The following PROCR variants were observed in gnomAD, a reference collection of about 807,000 sequenced individuals.
PROCR encodes endothelial protein C receptor.
In PROCR, 22 loss-of-function variants were observed where a neutral mutation model predicts 24.2. That is an observed-to-expected ratio of 0.91 (90% CI 0.65 to 1.30). PROCR has a LOEUF of 1.30. PROCR is among the 50% of genes most tolerant of loss of function. The pLI is 0.00. For missense variants in PROCR, 288 were observed against 307.7 expected (o/e 0.94, Z 0.48); for synonymous variants, 137 against 139.2 (o/e 0.98, Z 0.11).
In PROCR at chr20:35,214,823, G is replaced by A. The variant is rs185175683; in HGVS notation, c.95-1070G>A. Among the ~76,000 whole-genome samples, 40 of 152,064 alleles carry A rather than the reference G, an allele frequency of 2.6e-4. 1 individual carries two copies. The East Asian group carries it at 6.6e-3, about 25-fold the overall frequency. ...TGGGGCTGGACATTGAGACTGAGTC[G>A]GGGGATTGGACTGGGACCTTCTCTA... On this transcript the variant is annotated intron_variant, in intron 1 of 1. Transcript: ENST00000634509.
chr20:35,210,571 CAT>C (rs1400644726), intron 1 of PROCR, among the ~76,000 whole-genome samples: 5 of 151,990 alleles, frequency 3.3e-5, no homozygotes, highest in African/African-American at 7.2e-5. Context: ...AAAATATAGA[CAT>C]ATTTTTAAAA....
At chr20:35,208,173 C>T (rs1358191085) in intron 1 of PROCR, among the ~76,000 whole-genome samples, 2 of 152,284 alleles carry the variant, frequency 1.3e-5, no homozygotes, top group East Asian at 1.9e-4. Context: ...GGGCAATGAT[C>T]AGGGAGCAGA....
At chr20:35,184,591 T>C (rs1600740251) in intron 1 of PROCR, among the ~76,000 whole-genome samples, 2 of 152,180 alleles carry the variant, frequency 1.3e-5, no homozygotes, top group South Asian at 2.1e-4. Flanking sequence ...TCCCAGCCAC[T>C]CAGAAGGCTG....
intron 1 of PROCR, among the ~76,000 whole-genome samples, chr20:35,194,433 A>C (rs2086199074): frequency 6.6e-6 from 1 of 152,204 alleles, no homozygotes; most frequent in Non-Finnish European, 1.5e-5. Context: ...GGAAAATTTG[A>C]TGACACAAGA....
Position 35,174,893 on chromosome 20 carries a change from T to C in PROCR, c.262T>C (p.Ser88Pro), listed in dbSNP as rs150846093. 1,576 of 1,609,320 alleles carry C rather than the reference T, an allele frequency of 9.8e-4. 18 individuals are homozygous for C. The highest frequency in any genetic ancestry group is 5.1e-4 in the Admixed American group (30 of 59,146). ...SWARTQSGLQ[S>P]YLLQFHGLVR... ...GGCGCGCACGCAGAGTGGCCTGCAGTCCTACCTGCTCCAGTTCCACGGCCT... is the reference window on the plus strand; with the variant it reads ...GGCGCGCACGCAGAGTGGCCTGCAGCCCTACCTGCTCCAGTTCCACGGCCT... Residue 88 changes from serine to proline, a missense_variant, in exon 2 of 4, where the codon TCC becomes CCC. Transcript: ENST00000216968.
At position 35,175,047 on chromosome 20, in the gene PROCR, T is replaced by A. The variant is rs2085997200; in HGVS notation, c.322+94T>A. On this transcript the variant is annotated intron_variant, in intron 2 of 3. Transcript: ENST00000216968. Reference sequence around the variant, plus strand: ...CGGGGCCTGGCGGATGGAGGCGGGCTGGGACTTGCAGGGACCCGGCAGCCA... The same window carrying A: ...CGGGGCCTGGCGGATGGAGGCGGGCAGGGACTTGCAGGGACCCGGCAGCCA... The A allele has an allele frequency of 3.7e-6, 4 of 1,080,612 alleles. No individual in the cohort carries two copies. The African/African-American group carries it at 6.0e-5, about 16-fold the overall frequency. The allele number at this position is 1,080,612 out of a possible 1,614,324, so 66.9% of individuals were successfully genotyped here.
chr20:35,174,813 C>G lies in PROCR; in HGVS notation c.182C>G (p.Pro61Arg). 1 of 1,614,116 alleles carries G rather than the reference C, an allele frequency of 6.2e-7. No individual in the cohort carries two copies. ...CACCTAACGCACGTGCTGGAAGGCC[C>G]AGACACCAACACCACGATCATTCAG... is the stretch of plus-strand genomic sequence containing the variant. ...GGHLTHVLEGPDTNTTIIQLQ... is the reference protein window; with the variant it reads ...GGHLTHVLEGRDTNTTIIQLQ... Residue 61 changes from proline to arginine, a missense_variant, in exon 2 of 4, where the codon CCA becomes CGA. Pro to Arg is a moderately radical substitution (Grantham distance 103). Coordinates refer to ENST00000216968, the MANE Select transcript of PROCR (RefSeq NM_006404.5).
intron 1 of PROCR, among the ~76,000 whole-genome samples, chr20:35,215,053 C>G (rs977032722): frequency 2.6e-5 from 4 of 151,916 alleles, no homozygotes; most frequent in African/African-American, 9.7e-5. Flanking sequence ...ATTACAGGCA[C>G]GCGCCACCAA....
chr20:35,173,423 CTTTTTTT>C (rs58785250), intron 1 of PROCR, among the ~76,000 whole-genome samples: 143 of 88,142 alleles, frequency 1.6e-3, no homozygotes, highest in African/African-American at 3.4e-3. Flanking sequence ...TTTCTTTTTT[CTTTTTTT>C]TTTTTTTTTT....
intron 1 of PROCR, among the ~76,000 whole-genome samples, chr20:35,188,560 G>A (rs560481823): frequency 6.6e-6 from 1 of 152,322 alleles, no homozygotes; most frequent in African/African-American, 2.4e-5. Context: ...CAATACATGT[G>A]TTTTGAATCA....
Position 35,177,056 on chromosome 20 carries a change from G to A in PROCR, c.*243G>A, listed in dbSNP as rs1338940267. On this transcript the variant is annotated 3_prime_UTR_variant, in exon 4 of 4. Transcript: ENST00000216968. ...ATGCTTTGCTGAATTAGTCTGATAA[G>A]TGAATGTTTATCTATCTTTGTGGAA... The A allele has an allele frequency of 7.6e-7, 1 of 1,309,462 alleles. No homozygotes were observed. Among genetic ancestry groups the A allele is most frequent in the East Asian group, 3.6e-5 (1 of 27,790 alleles). 81.1% of individuals were successfully genotyped at this position (1,309,462 alleles called of 1,614,324 possible).
chr20:35,185,463 T>C (rs6088760), intron 1 of PROCR, among the ~76,000 whole-genome samples: 30,456 of 152,138 alleles, frequency 0.2, 3,597 homozygotes, highest in Non-Finnish European at 0.27. Flanking sequence ...CAATTCACCA[T>C]TGCAAAATCG....
chr20:35,184,769 T>G (rs2086108852), intron 1 of PROCR, among the ~76,000 whole-genome samples: 1 of 152,070 alleles, frequency 6.6e-6, no homozygotes, highest in Non-Finnish European at 1.5e-5. Flanking sequence ...ACTGTAAAAT[T>G]TCTAGAAGAT....
chr20:35,194,514 A>G (rs2086199864), intron 1 of PROCR, among the ~76,000 whole-genome samples: 2 of 152,212 alleles, frequency 1.3e-5, no homozygotes, highest in Non-Finnish European at 2.9e-5. Context: ...CAAGGCACAA[A>G]TGGAGAGACC....
chr20:35,186,044 C>G (rs1337564595), intron 1 of PROCR, among the ~76,000 whole-genome samples: 1 of 152,092 alleles, frequency 6.6e-6, no homozygotes, highest in African/African-American at 2.4e-5. Flanking sequence ...TATTGTGTGG[C>G]CCAGCAAGTC....
intron 2 of PROCR, among the ~76,000 whole-genome samples, chr20:35,175,280 T>C (rs1338017549): frequency 6.6e-6 from 1 of 151,482 alleles, no homozygotes; most frequent in Non-Finnish European, 1.5e-5. Flanking sequence ...CCAACTCCTT[T>C]TCTTCATAGA....
downstream of PROCR, chr20:35,177,365 G>C (rs1277999638): frequency 3.1e-6 from 3 of 977,872 alleles, no homozygotes; most frequent in Non-Finnish European, 3.6e-6. Flanking sequence ...TTAAGGCATT[G>C]TTATCTCCTC....
intron 1 of PROCR, among the ~76,000 whole-genome samples, chr20:35,174,001 T>C (rs1251226747): frequency 6.6e-6 from 1 of 152,178 alleles, no homozygotes; most frequent in East Asian, 1.9e-4. Context: ...CGTGCAAACC[T>C]TGGCTCTGCT....
At chr20:35,179,979 T>C (rs1365211182), downstream of PROCR, among the ~76,000 whole-genome samples, 2 of 152,038 alleles carry the variant, frequency 1.3e-5, no homozygotes, top group Non-Finnish European at 2.9e-5. Flanking sequence ...GGCATGATGG[T>C]TCACGCTTGT....
Sources: gnomAD v4.1 joint callset for allele counts (sites outside exome capture counted in the v4.1 genomes callset) on GRCh38, gnomAD v4.1.1 for gene constraint, MANE v1.5 for transcripts, NCBI Gene and HGNC (gene_info 2026-07-23, HGNC 2026-07-21) for gene names.